The following DCDC2 variants were observed in gnomAD, a reference collection of about 807,000 sequenced individuals.
DCDC2 encodes the protein doublecortin domain containing 2.
A neutral mutation model predicts 50.2 loss-of-function variants in DCDC2; 40 were observed. The ratio of observed to expected loss-of-function variants is 0.80; its 90% CI spans 0.62 to 1.04. The LOEUF (loss-of-function observed/expected upper bound fraction) is 1.04. Among genes scored for constraint, DCDC2 ranks in the 50% least tolerant of loss-of-function variants. The pLI, the probability that DCDC2 is intolerant of heterozygous loss-of-function variation, is 0.00. For missense variants in DCDC2, 570 were observed against 581.9 expected (o/e 0.98, Z 0.21); for synonymous variants, 234 against 210.6 (o/e 1.11, Z -0.96).
intron 7 of DCDC2, among the ~76,000 whole-genome samples, chr6:24,275,272 C>G (rs563212456): frequency 6.6e-6 from 1 of 152,258 alleles, no homozygotes; most frequent in East Asian, 1.9e-4. Flanking sequence ...ATATTATAAT[C>G]TGGAAAATTT....
intron 9 of DCDC2, among the ~76,000 whole-genome samples, chr6:24,177,287 A>G (rs1003153329): frequency 5.9e-5 from 9 of 152,252 alleles, no homozygotes; most frequent in Non-Finnish European, 5.9e-5. Flanking sequence ...TTAGATGTTA[A>G]GAACATTTTG....
intron 7 of DCDC2, among the ~76,000 whole-genome samples, chr6:24,233,423 A>G (rs793835): frequency 0.99 from 151,101 of 152,332 alleles, 74,949 homozygotes; most frequent in Middle Eastern, 1. Flanking sequence ...TTTACCCCTT[A>G]ATGTATTTTA....
At chr6:24,368,714 T>C in the DCDC2 span, among the ~76,000 whole-genome samples, 3 of 150,936 alleles carry the variant, frequency 2.0e-5, no homozygotes, top group East Asian at 3.9e-4. Flanking sequence ...CGAATGATAG[T>C]CTGAGGGGCA....
At chr6:24,328,238 G>A (rs1032641584) in intron 2 of DCDC2, among the ~76,000 whole-genome samples, 3 of 152,202 alleles carry the variant, frequency 2.0e-5, no homozygotes, top group South Asian at 4.1e-4. Flanking sequence ...GCACTGAGTT[G>A]TTGACAACTG....
intron 9 of DCDC2, among the ~76,000 whole-genome samples, chr6:24,177,177 G>A (rs1252384806): frequency 2.0e-5 from 3 of 152,164 alleles, no homozygotes; most frequent in East Asian, 1.9e-4. Flanking sequence ...TATAAATGAC[G>A]CTGAGGACTA....
chr6:24,248,298 C>T (rs1762727472), intron 7 of DCDC2, among the ~76,000 whole-genome samples: 1 of 152,164 alleles, frequency 6.6e-6, no homozygotes, highest in South Asian at 2.1e-4. Context: ...GCAGTTGTTT[C>T]AAACACTAAC....
the DCDC2 span, among the ~76,000 whole-genome samples, chr6:24,376,162 T>A: frequency 6.6e-6 from 1 of 152,216 alleles, no homozygotes; most frequent in Admixed American, 6.5e-5. Context: ...ATCACATTTG[T>A]CAGTTTCGGT....
chr6:24,358,588 G>A (rs893726858), upstream of DCDC2, among the ~76,000 whole-genome samples: 1 of 144,284 alleles, frequency 6.9e-6, no homozygotes, highest in Non-Finnish European at 1.5e-5. Flanking sequence ...AGGCTGAGGC[G>A]GGAGGATTGT....
rs148376092 is a variant in DCDC2 at position 24,320,538 on chromosome 6, G to A, written c.349-18494C>T. The stretch of plus-strand genomic sequence containing the variant: ...GTAGAGACAGGGTTTCACCATGTTG[G>A]CCAGGCTGGCCTCAAAATCCTGACT... On this transcript the variant is annotated intron_variant, in intron 2 of 9. Transcript: ENST00000378454. Among the ~76,000 whole-genome samples, 1,409 of 152,170 alleles carry A rather than the reference G, an allele frequency of 9.3e-3. 25 individuals carry two copies. The highest frequency in any genetic ancestry group is 0.032 in the African/African-American group (1,308 of 41,518).
chr6:24,376,181 A>T, the DCDC2 span, among the ~76,000 whole-genome samples: 13 of 152,328 alleles, frequency 8.5e-5, no homozygotes, highest in East Asian at 2.5e-3. Flanking sequence ...GTCTCCTTGA[A>T]CTCATGGAGA....
At chr6:24,340,728 A>G (rs1333704415) in intron 2 of DCDC2, among the ~76,000 whole-genome samples, 1 of 152,166 alleles carries the variant, frequency 6.6e-6, no homozygotes, top group Non-Finnish European at 1.5e-5. Flanking sequence ...TTCTAAAAAA[A>G]AAATTTTGTT....
At chr6:24,204,011 G>A (rs1425085070) in intron 8 of DCDC2, among the ~76,000 whole-genome samples, 1 of 152,178 alleles carries the variant, frequency 6.6e-6, no homozygotes, top group African/African-American at 2.4e-5. Flanking sequence ...AGGATGTGGA[G>A]AAATAGCAAC....
intron 7 of DCDC2, among the ~76,000 whole-genome samples, chr6:24,241,653 C>T (rs73726627): frequency 0.02 from 3,017 of 152,204 alleles, 84 homozygotes; most frequent in African/African-American, 0.064. Context: ...ATTCTAATGG[C>T]TTTTGGCAGT....
chr6:24,335,059 A>T (rs1008520963), intron 2 of DCDC2, among the ~76,000 whole-genome samples: 4 of 152,180 alleles, frequency 2.6e-5, no homozygotes, highest in African/African-American at 9.6e-5. Context: ...TGATTTGTGT[A>T]ACAAAAAATA....
chr6:24,243,057 C>T (rs1403900846), intron 7 of DCDC2, among the ~76,000 whole-genome samples: 1 of 152,138 alleles, frequency 6.6e-6, no homozygotes, highest in African/African-American at 2.4e-5. Context: ...GTCAAGACAG[C>T]TTGGGAGTCC....
chr6:24,266,511 C>T (rs6456601), intron 7 of DCDC2, among the ~76,000 whole-genome samples: 91,551 of 151,968 alleles, frequency 0.6, 29,584 homozygotes, highest in East Asian at 0.79. Context: ...GGGCAAAACA[C>T]CTGAATAGAC....
At chr6:24,254,108 A>G (rs1762847735) in intron 7 of DCDC2, among the ~76,000 whole-genome samples, 1 of 152,148 alleles carries the variant, frequency 6.6e-6, no homozygotes, top group African/African-American at 2.4e-5. Context: ...CGAGGCCTAC[A>G]CAAGGGCTGG....
At chr6:24,283,284 C>G (rs765653950) in intron 6 of DCDC2, among the ~76,000 whole-genome samples, 1 of 151,918 alleles carries the variant, frequency 6.6e-6, no homozygotes, top group Non-Finnish European at 1.5e-5. Flanking sequence ...TTTTTCTCAA[C>G]ATGCTAATTT....
chr6:24,257,328 T>A (rs968049075), intron 7 of DCDC2, among the ~76,000 whole-genome samples: 1 of 152,214 alleles, frequency 6.6e-6, no homozygotes, highest in African/African-American at 2.4e-5. Context: ...CTTTGTGTTA[T>A]AAACCAAGCC....
Sources: gnomAD v4.1 joint callset for allele counts (sites outside exome capture counted in the v4.1 genomes callset) on GRCh38, gnomAD v4.1.1 for gene constraint, MANE v1.5 for transcripts, NCBI Gene and HGNC (gene_info 2026-07-23, HGNC 2026-07-21) for gene names.